The following GPHN variants were observed in gnomAD, a reference collection of about 807,000 sequenced individuals.
GPHN encodes the protein gephyrin.
GPHN carries 17 observed loss-of-function variants against 95.5 expected under a neutral mutation model. That is an observed-to-expected ratio of 0.18 (90% confidence interval 0.12 to 0.27). The LOEUF is 0.27. GPHN is among the 10% of genes least tolerant of loss of function. The probability of loss-of-function intolerance (pLI) is 1.00; values close to 1 mark genes in which losing one functional copy is unlikely to be tolerated. For missense variants in GPHN, 660 were observed against 978.1 expected, an observed-to-expected ratio of 0.67 and a Z score of 4.34; for synonymous variants, 320 against 322.5, an observed-to-expected ratio of 0.99 and a Z score of 0.08.
chr14:66,890,522 G>A (rs546393113), intron 5 of GPHN, among the ~76,000 whole-genome samples: 1 of 151,732 alleles, frequency 6.6e-6, no homozygotes, highest in Non-Finnish European at 1.5e-5. Flanking sequence ...GACACTGGTT[G>A]TTTCCAAAAT....
intron 1 of GPHN, among the ~76,000 whole-genome samples, chr14:66,539,362 C>G (rs2059262269): frequency 6.8e-6 from 1 of 146,444 alleles, no homozygotes; most frequent in Non-Finnish European, 1.5e-5. Context: ...TTGGGGCTTT[C>G]TAGTTTTCAG....
At chr14:67,692,808 C>T in the GPHN span, 1 of 881,266 alleles carries the variant, frequency 1.1e-6, no homozygotes, top group East Asian at 2.4e-5. Context: ...TTCAGATCAG[C>T]AAATCAGTGG....
chr14:67,411,923 A>T, the GPHN span: 1 of 1,169,318 alleles, frequency 8.6e-7, no homozygotes, highest in Non-Finnish European at 1.2e-6. Flanking sequence ...GAACCAGAGC[A>T]TGCCCGTTCC....
At chr14:67,209,214 A>G in the GPHN span, among the ~76,000 whole-genome samples, 1 of 152,210 alleles carries the variant, frequency 6.6e-6, no homozygotes, top group Non-Finnish European at 1.5e-5. Flanking sequence ...TCAAGTCCAT[A>G]TCTCATGGAG....
intron 10 of GPHN, among the ~76,000 whole-genome samples, chr14:67,034,153 A>AAT (rs940044838): frequency 5.9e-5 from 9 of 151,988 alleles, no homozygotes; most frequent in East Asian, 1.9e-4. Context: ...GGTAAAGGAA[A>AAT]ATATATATAT....
intron 2 of GPHN, among the ~76,000 whole-genome samples, chr14:66,685,559 G>A (rs1180847261): frequency 6.6e-6 from 1 of 152,222 alleles, no homozygotes; most frequent in Non-Finnish European, 1.5e-5. Flanking sequence ...CTTCTGAGAA[G>A]TGTCTGTTCA....
chr14:67,724,466 C>A, the GPHN span: 5 of 1,592,332 alleles, frequency 3.1e-6, no homozygotes, highest in South Asian at 1.1e-5. Flanking sequence ...GTTTCCCTTG[C>A]CGATAGGAAG....
At chr14:67,451,277 G>C in the GPHN span, among the ~76,000 whole-genome samples, 3 of 152,240 alleles carry the variant, frequency 2.0e-5, no homozygotes. Flanking sequence ...TGTGGAGTCA[G>C]AGCCTCCACA....
intron 8 of GPHN, among the ~76,000 whole-genome samples, chr14:66,946,644 C>G (rs141680350): frequency 6.6e-6 from 1 of 152,268 alleles, no homozygotes; most frequent in East Asian, 1.9e-4. Context: ...ACCTCATGAT[C>G]TGACCACCTG....
chr14:67,389,608 A>G, the GPHN span, among the ~76,000 whole-genome samples: 51 of 152,076 alleles, frequency 3.4e-4, no homozygotes, highest in Admixed American at 3.3e-3. Flanking sequence ...GTATATTTAC[A>G]TGTATATGTA....
At chr14:67,671,023 T>C in the GPHN span, among the ~76,000 whole-genome samples, 14 of 152,186 alleles carry the variant, frequency 9.2e-5, no homozygotes, top group Non-Finnish European at 2.1e-4. Context: ...AACTTTATGA[T>C]GTGGTCTCTG....
the GPHN span, among the ~76,000 whole-genome samples, chr14:67,332,529 A>T: frequency 6.6e-6 from 1 of 152,344 alleles, no homozygotes; most frequent in African/African-American, 2.4e-5. Context: ...AAGACAAAAT[A>T]TGTGAAAACC....
the GPHN span, chr14:67,208,282 T>C: frequency 7.6e-5 from 123 of 1,613,866 alleles, no homozygotes; most frequent in Non-Finnish European, 9.7e-5. Context: ...CCTCAAAACA[T>C]GTCACCATCT....
chr14:67,489,509 G>A, the GPHN span, among the ~76,000 whole-genome samples: 4 of 152,108 alleles, frequency 2.6e-5, no homozygotes, highest in African/African-American at 4.8e-5. Context: ...AGAGACCACC[G>A]GCCTGTTTCA....
At chr14:66,837,405 G>A (rs1398655580) in intron 4 of GPHN, among the ~76,000 whole-genome samples, 1 of 136,268 alleles carries the variant, frequency 7.3e-6, no homozygotes, top group African/African-American at 2.8e-5. Context: ...GAGATCACAT[G>A]GACACAGGAA....
chr14:66,707,467 G>C (rs1330047098), intron 2 of GPHN, among the ~76,000 whole-genome samples: 7 of 152,188 alleles, frequency 4.6e-5, no homozygotes, highest in African/African-American at 1.7e-4. Context: ...TATGCACCAT[G>C]GAACACTATG....
intron 4 of GPHN, among the ~76,000 whole-genome samples, chr14:66,851,173 A>G (rs2062565888): frequency 6.6e-6 from 1 of 151,896 alleles, no homozygotes; most frequent in Non-Finnish European, 1.5e-5. Context: ...AAAACCCACA[A>G]ATAGTAAGTT....
At chr14:67,189,742 G>A in the GPHN span, 1 of 151,762 alleles carries the variant, frequency 6.6e-6, no homozygotes, top group Admixed American at 6.6e-5. Context: ...AAAGCCGAGA[G>A]ACTTAACACC....
chr14:67,572,237 G>GCA, the GPHN span: 1 of 1,608,144 alleles, frequency 6.2e-7, no homozygotes, highest in South Asian at 1.1e-5. Flanking sequence ...AAACTGCAGC[G>GCA]CACCTCATCC....
Sources: gnomAD v4.1 joint callset for allele counts (sites outside exome capture counted in the v4.1 genomes callset) on GRCh38, gnomAD v4.1.1 for gene constraint, MANE v1.5 for transcripts, NCBI Gene and HGNC (gene_info 2026-07-23, HGNC 2026-07-21) for gene names.